The following TLN1 variants were observed in gnomAD, a reference collection of about 807,000 sequenced individuals.
The protein encoded by TLN1 is talin-1.
In TLN1, 56 loss-of-function variants were observed where a neutral mutation model predicts 292.3. The ratio of observed to expected loss-of-function variants is 0.19; its 90% confidence interval spans 0.15 to 0.24. TLN1 has a LOEUF of 0.24. Ranked by LOEUF, TLN1 falls within the 10% of genes least tolerant of loss-of-function variation. The pLI, the probability that TLN1 is intolerant of heterozygous loss-of-function variation, is 1.00. For missense variants in TLN1, 2,433 were observed against 3,248.2 expected, an observed-to-expected ratio of 0.75 and a Z score of 6.10; for synonymous variants, 1,119 against 1,253.7, an observed-to-expected ratio of 0.89 and a Z score of 2.27.
chr9:35,708,249 C>T, intron 34 of TLN1, 92 bp downstream of exon 34: 1 of 1,448,516 alleles, frequency 6.9e-7, no homozygotes, highest in Non-Finnish European at 9.2e-7. Context: ...TGGGTCCCTG[C>T]CCTCTTTCCC....
Position 35,714,790 on chromosome 9 carries a change from G to T in TLN1, c.2841C>A (p.Gly947=). ...AGCTCTGCACCAGCAGGGGCTGGGG[G>T]CCGGCAGAGGCCTTGGGGGTAGAGG... ...HAASTPKASA[G]PQPLLVQSCK... is the part of the protein sequence containing the mutation. Residue 947 remains glycine, a synonymous_variant, in exon 22 of 57, where the codon GGC becomes GGA. Coordinates refer to ENST00000314888, the MANE Select transcript of TLN1 (RefSeq NM_006289.4). The surrounding 1 kb of genome is among the most constrained non-coding windows in gnomAD (Gnocchi z 4.6). 1 of 1,584,250 alleles carries T rather than the reference G, an allele frequency of 6.3e-7. No individual in the cohort carries two copies. The highest frequency in any genetic ancestry group is 8.6e-7 in the Non-Finnish European group (1 of 1,164,578).
rs1825932045 is a variant in TLN1, at chr9:35,724,424, C to T, written c.512-90G>A. 9.5e-6 allele frequency: 15 copies of T among 1,582,340 alleles called. No individual in the cohort carries two copies. Among genetic ancestry groups the T allele is most frequent in the Non-Finnish European group, 1.2e-5 (14 of 1,157,534 alleles). Reference sequence around the variant, plus strand: ...TATTTCTGCATTTCCTACCTCCCCTCACTTAAATGTAAGTCCCATGAGTGT... The same window carrying T: ...TATTTCTGCATTTCCTACCTCCCCTTACTTAAATGTAAGTCCCATGAGTGT... On this transcript the variant is annotated intron_variant, in intron 5 of 56. Coordinates refer to ENST00000314888, the MANE Select transcript of TLN1 (RefSeq NM_006289.4). This position sits in a 1 kb window ranked among gnomAD's most constrained non-coding sequence, Gnocchi z 4.7.
chr9:35,707,013 T>C lies in TLN1; in HGVS notation c.4955+59A>G. 1 of 1,608,272 alleles carries C rather than the reference T, an allele frequency of 6.2e-7. No individual in the cohort carries two copies. Among genetic ancestry groups the C allele is most frequent in the Non-Finnish European group, 8.5e-7 (1 of 1,178,300 alleles). ...CCATCTCATTGCACTCAAGTGCCCA[T>C]CCTCCATTCTGCCACAATGTATGCC... On this transcript the variant is annotated intron_variant, in intron 37 of 56. Transcript: ENST00000314888. The surrounding 1 kb of genome is among the most constrained non-coding windows in gnomAD (Gnocchi z 5.6).
At position 35,707,532 on chromosome 9, in the gene TLN1, A is replaced by G; in HGVS notation, c.4633-44T>C. 1 of 1,605,310 alleles carries G rather than the reference A, an allele frequency of 6.2e-7. No homozygotes were observed. Among genetic ancestry groups the G allele is most frequent in the Non-Finnish European group, 8.5e-7 (1 of 1,174,126 alleles). ...CTCTCAGGACTTGGGATGCAGTCAT[A>G]GGGGGTATAGGAAGTGAAGTCCAGG... is the stretch of plus-strand genomic sequence containing the variant. On this transcript the variant is annotated intron_variant, in intron 35 of 56. Coordinates refer to ENST00000314888, the MANE Select transcript of TLN1 (RefSeq NM_006289.4). The surrounding 1 kb of genome is among the most constrained non-coding windows in gnomAD (Gnocchi z 5.6).
chr9:35,700,455 T>G (rs1825446037), intron 48 of TLN1, 79 bp from the exon 49 acceptor site: 1 of 1,435,414 alleles, frequency 7.0e-7, no homozygotes, highest in South Asian at 1.4e-5. Flanking sequence ...TGCATGTGAT[T>G]TGGTGCAGAC....
At chr9:35,703,409 G>A (rs1825502524) in intron 48 of TLN1, 151 bp downstream of exon 48, 3 of 712,298 alleles carry the variant, frequency 4.2e-6, no homozygotes, top group Non-Finnish European at 7.3e-6. Context: ...TGGCTACAGA[G>A]CAAGACCCTT....
intron 1 of TLN1, among the ~76,000 whole-genome samples, chr9:35,727,481 A>C (rs1825998073): frequency 6.6e-6 from 1 of 152,200 alleles, no homozygotes; most frequent in Admixed American, 6.5e-5. Flanking sequence ...CAAGCAGTCC[A>C]GAGTCTCAAA....
intron 10 of TLN1, 72 bp downstream of exon 10, chr9:35,721,576 G>A: frequency 1.3e-6 from 2 of 1,534,446 alleles, no homozygotes; most frequent in South Asian, 1.2e-5. Flanking sequence ...CCCAAGAGAG[G>A]GAAGAGACCT....
At chr9:35,713,505 G>A (rs775673119) in intron 25 of TLN1, among the ~76,000 whole-genome samples, 2 of 151,986 alleles carry the variant, frequency 1.3e-5, no homozygotes, top group African/African-American at 2.4e-5. Flanking sequence ...GCAACATGGC[G>A]AAACCCCATC....
In TLN1 at chr9:35,717,180, G is replaced by A. The variant is rs1353687345; in HGVS notation, c.2424C>T (p.Val808=). 3.1e-6 allele frequency: 5 copies of A among 1,607,610 alleles called. No individual in the cohort carries two copies. The highest frequency in any genetic ancestry group is 2.2e-5 in the East Asian group (1 of 44,660). The change falls in exon 19 of 57, where the codon GTC becomes GTT. Residue 808 remains valine, a synonymous_variant. Coordinates refer to ENST00000314888, the MANE Select transcript of TLN1 (RefSeq NM_006289.4). This position sits in a 1 kb window ranked among gnomAD's most constrained non-coding sequence, Gnocchi z 4.7. Reference sequence around the variant, plus strand: ...CCATGGAGCTAAAGATGTTCTCAGTGACGGTTAGGATGGTGTCAGTAGCCT... The same window carrying A: ...CCATGGAGCTAAAGATGTTCTCAGTAACGGTTAGGATGGTGTCAGTAGCCT... ...YDQATDTILT[V]TENIFSSMGD... is the part of the protein sequence containing the mutation.
In TLN1 at chr9:35,716,204, A is replaced by AG. The variant is rs531351199; in HGVS notation, c.2625+185_2625+186insC. Among the ~76,000 whole-genome samples, 1,424 of 147,010 alleles carry AG rather than the reference A, an allele frequency of 9.7e-3. 7 individuals carry two copies. The highest frequency in any genetic ancestry group is 0.016 in the Non-Finnish European group (1,078 of 67,716). On this transcript the variant is annotated intron_variant, in intron 20 of 56. Coordinates refer to ENST00000314888, the MANE Select transcript of TLN1 (RefSeq NM_006289.4). ...GACCACATCTTTAAAAAAAAAAAAA[A>AG]AAAAAAAGCCTGGGTCATGGCTCAC...
At position 35,707,506 on chromosome 9, in the gene TLN1, G is replaced by A; in HGVS notation, c.4633-18C>T. The A allele has an allele frequency of 2.5e-6, 4 of 1,612,914 alleles. No individual in the cohort carries two copies. Among genetic ancestry groups the A allele is most frequent in the South Asian group, 1.1e-5 (1 of 91,040 alleles). ...TCTAGCGCCTAGAAGTGACAGAGAGGCTCTCAGGACTTGGGATGCAGTCAT... is the reference window on the plus strand; with the variant it reads ...TCTAGCGCCTAGAAGTGACAGAGAGACTCTCAGGACTTGGGATGCAGTCAT... On this transcript the variant is annotated intron_variant, in intron 35 of 56. Coordinates refer to ENST00000314888, the MANE Select transcript of TLN1 (RefSeq NM_006289.4). This position sits in a 1 kb window ranked among gnomAD's most constrained non-coding sequence, Gnocchi z 5.6.
Position 35,698,560 on chromosome 9 carries a change from C to T in TLN1, c.7189-55G>A. 6.2e-7 allele frequency: 1 copy of T among 1,614,034 alleles called. No homozygotes were observed. The highest frequency in any genetic ancestry group is 8.5e-7 in the Non-Finnish European group (1 of 1,180,024). ...TGCCCCTTGCCCTGGTCCATCCCCA[C>T]TCCAGCCTTCTCAAGTCTCTCAAAC... On this transcript the variant is annotated intron_variant, in intron 54 of 56. Transcript: ENST00000314888. The surrounding 1 kb of genome is among the most constrained non-coding windows in gnomAD (Gnocchi z 5.3).
rs1040886850 is a variant in TLN1 at position 35,707,840 on chromosome 9, C to T, written c.4523G>A (p.Ser1508Asn). The change falls in exon 35 of 57, where the codon AGC (serine) becomes AAC (asparagine). Residue 1508 changes from serine (S) to asparagine (N), a missense_variant. Coordinates refer to ENST00000314888, the MANE Select transcript of TLN1 (RefSeq NM_006289.4). The surrounding 1 kb of genome is among the most constrained non-coding windows in gnomAD (Gnocchi z 5.6). Reference sequence around the variant, plus strand: ...GGTACGGGCAGAAGCCAGGCGACAGCTGTTACACAGTGCAGAGGTGTGTTT... The same window carrying T: ...GGTACGGGCAGAAGCCAGGCGACAGTTGTTACACAGTGCAGAGGTGTGTTT... The part of the protein sequence containing the change: ...VAKHTSALCN[S>N]CRLASARTTN... 1.2e-6 allele frequency: 2 copies of T among 1,614,172 alleles called. No homozygotes were observed. Among genetic ancestry groups the T allele is most frequent in the Non-Finnish European group, 8.5e-7 (1 of 1,180,040 alleles).
At position 35,717,736 on chromosome 9, in the gene TLN1, C is replaced by T. The variant is rs529025072; in HGVS notation, c.2046G>A (p.Leu682=). The T allele has an allele frequency of 6.2e-7, 1 of 1,612,864 alleles. No homozygotes were observed. Among genetic ancestry groups the T allele is most frequent in the South Asian group, 1.1e-5 (1 of 91,052 alleles). The change falls in exon 18 of 57, where the codon CTG becomes CTA. Residue 682 remains leucine (L), a synonymous_variant. Coordinates refer to ENST00000314888, the MANE Select transcript of TLN1 (RefSeq NM_006289.4). This position sits in a 1 kb window ranked among gnomAD's most constrained non-coding sequence, Gnocchi z 4.7. ...AKAVASAAAA[L]VLKAKSVAQR... ...GGGCCACACTCTTGGCCTTGAGGAC[C>T]AGGGCAGCTGCAGCACTTGCCACAG...
At position 35,707,232 on chromosome 9, in the gene TLN1, T is replaced by C; in HGVS notation, c.4795A>G (p.Ile1599Val). 1.2e-6 allele frequency: 2 copies of C among 1,603,726 alleles called. 1 individual carries two copies. Among genetic ancestry groups the C allele is most frequent in the South Asian group, 2.2e-5 (2 of 90,802 alleles). ...AACATTGTCTTGGCAGAGATCACAA[T>C]GGGCTCCATGGCAGCCCGACCCTGG... Reference protein sequence around the residue: ...SPEGRAAMEPIVISAKTMLES... With the variant: ...SPEGRAAMEPVVISAKTMLES... Residue 1599 changes from isoleucine (I) to valine (V), a missense_variant, in exon 37 of 57, where the codon ATT (isoleucine) becomes GTT (valine). Ile to Val is a conservative substitution (Grantham distance 29, BLOSUM62 3). Around this residue, in one of 7 missense-constraint regions of TLN1, gnomAD observed 1,384 missense variants for 1,699.6 expected, o/e 0.81. Coordinates refer to ENST00000314888, the MANE Select transcript of TLN1 (RefSeq NM_006289.4). The surrounding 1 kb of genome is among the most constrained non-coding windows in gnomAD (Gnocchi z 5.6).
chr9:35,720,629 CTT>C (rs372029210), intron 11 of TLN1, 120 bp from the exon 12 acceptor site: 13,404 of 796,892 alleles, frequency 0.017, no homozygotes, highest in South Asian at 0.021. Flanking sequence ...ATTTCTTTTT[CTT>C]TTTTTTTTTT....
In TLN1 at chr9:35,705,678, T is replaced by A; in HGVS notation, c.5614-8A>T. 6.2e-7 allele frequency: 1 copy of A among 1,612,684 alleles called. No homozygotes were observed. Among genetic ancestry groups the A allele is most frequent in the Non-Finnish European group, 8.5e-7 (1 of 1,178,712 alleles). ...GGTGTTTGACTTGGTAACCTGGTGA[T>A]AATGGAACGAGTGAAGTTATATCCA... On this transcript the variant is annotated splice_region_variant and splice_polypyrimidine_tract_variant and intron_variant, in intron 42 of 56. Transcript: ENST00000314888.
In TLN1 at chr9:35,716,570, GCA is replaced by G; in HGVS notation, c.2459-16_2459-15del. The G allele has an allele frequency of 6.2e-7, 1 of 1,611,770 alleles. No homozygotes were observed. Among genetic ancestry groups the G allele is most frequent in the Non-Finnish European group, 8.5e-7 (1 of 1,178,604 alleles). ...GCACCATCTCCCCTGAGAGCATAGG[GCA>G]CAGTCAGGCGAGGAAGCCAGAGACA... On this transcript the variant is annotated splice_polypyrimidine_tract_variant and intron_variant, in intron 19 of 56. Coordinates refer to ENST00000314888, the MANE Select transcript of TLN1 (RefSeq NM_006289.4).
Sources: allele counts gnomAD v4.1 joint callset (sites outside exome capture counted in the v4.1 genomes callset), GRCh38; gene constraint gnomAD v4.1.1; regional missense constraint gnomAD v4.1.1; non-coding constraint Gnocchi (gnomAD v3.1); transcripts MANE v1.5; gene names NCBI Gene and HGNC (gene_info 2026-07-23, HGNC 2026-07-21).